The following CSMD2 variants were observed in gnomAD, a reference collection of about 807,000 sequenced individuals.
CSMD2 encodes CUB and sushi domain-containing protein 2.
CSMD2 carries 130 observed loss-of-function variants against 398.5 expected under a neutral mutation model. The ratio of observed to expected loss-of-function variants is 0.33; its 90% confidence interval spans 0.28 to 0.38. CSMD2 has a LOEUF of 0.38. Among genes scored for constraint, CSMD2 ranks in the 10% least tolerant of loss-of-function variants. The pLI, the probability that CSMD2 is intolerant of heterozygous loss-of-function variation, is 1.00. For synonymous variants in CSMD2, 1,828 were observed against 1,908.5 expected (o/e 0.96, Z 1.10); for missense variants, 3,829 against 4,764.9 (o/e 0.80, Z 5.78).
chr1:33,602,171 T>C (rs1387669060), intron 43 of CSMD2, among the ~76,000 whole-genome samples, 198 bp downstream of exon 43: 2 of 152,210 alleles, frequency 1.3e-5, no homozygotes, highest in East Asian at 3.8e-4. Context: ...CCCATTCCTC[T>C]CCCTTTAAGG....
rs148559711 is a variant in CSMD2, at chr1:33,595,161, T to C, written c.6856+5704A>G. ...TCCAGTTCAGAATCACATGTTGCAT[T>C]TCATTGTCATGTCTCTTTGGTCTCC... On this transcript the variant is annotated intron_variant, in intron 44 of 70. Transcript: ENST00000373381. 6.3e-3 allele frequency among the ~76,000 whole-genome samples: 954 copies of C among 152,372 alleles called. 6 individuals carry two copies. Among genetic ancestry groups the C allele is most frequent in the Non-Finnish European group, 0.01 (714 of 68,034 alleles).
chr1:34,164,993 G>T lies in CSMD2; in HGVS notation c.105C>A (p.Arg35=), dbSNP rs1320752151. 3.3e-6 allele frequency: 4 copies of T among 1,208,002 alleles called. No homozygotes were observed. The highest frequency in any genetic ancestry group is 4.1e-6 in the Non-Finnish European group (4 of 973,108). The allele number at this position is 1,208,002 out of a possible 1,614,324, so 74.8% of individuals were successfully genotyped here. The change falls in exon 1 of 71, where the codon CGC becomes CGA. Residue 35 remains arginine, a synonymous_variant. Coordinates refer to ENST00000373381, the MANE Select transcript of CSMD2 (RefSeq NM_001281956.2). The surrounding 1 kb of genome is among the most constrained non-coding windows in gnomAD (Gnocchi z 6.2). ...GCGTTGGCGGCGGCGGGCGGCCCCA[G>T]CGGCTCCCGGCGCCCGGCACAAGCG... The part of the protein sequence containing the change: ...ISALVPGAGS[R]WGRPPPPTPP...
rs115215451 is a variant in CSMD2, at chr1:33,715,994, T to C, written c.3217+292A>G. On this transcript the variant is annotated intron_variant, in intron 20 of 70. Transcript: ENST00000373381. ...GAATAACTAAGGTAGGAAGGGACTT[T>C]TGTGAAGTCCTCTAGTTCATCCAGC... 8.6e-3 allele frequency among the ~76,000 whole-genome samples: 1,306 copies of C among 152,222 alleles called. 16 individuals are homozygous for C. Among genetic ancestry groups the C allele is most frequent in the African/African-American group, 0.03 (1,253 of 41,494 alleles).
chr1:33,561,136 G>A (rs1443197719), intron 53 of CSMD2, among the ~76,000 whole-genome samples: 1 of 152,232 alleles, frequency 6.6e-6, no homozygotes, highest in Non-Finnish European at 1.5e-5. Context: ...GGACGGGGGT[G>A]TAAGAAGAGG....
At chr1:33,557,657 CACAT>C (rs1196876027) in intron 55 of CSMD2, 73 bp downstream of exon 55, 22 of 1,199,696 alleles carry the variant, frequency 1.8e-5, no homozygotes, top group East Asian at 5.1e-5. Context: ...CACACACACA[CACAT>C]GCACAGAGGG....
intron 5 of CSMD2, among the ~76,000 whole-genome samples, chr1:33,917,101 C>T (rs545672298): frequency 1.8e-3 from 275 of 152,272 alleles, no homozygotes; most frequent in Non-Finnish European, 2.8e-3. Context: ...AGCACAGCCC[C>T]GCCAGACCTG....
At chr1:33,782,140 G>A (rs1258504843) in intron 12 of CSMD2, among the ~76,000 whole-genome samples, 1 of 152,052 alleles carries the variant, frequency 6.6e-6, no homozygotes, top group Non-Finnish European at 1.5e-5. Flanking sequence ...CTCTGCCCTT[G>A]GATGCCTTAT....
chr1:33,973,685 C>T (rs1645853455), intron 3 of CSMD2, among the ~76,000 whole-genome samples: 1 of 152,148 alleles, frequency 6.6e-6, no homozygotes, highest in Non-Finnish European at 1.5e-5. Context: ...ATGCACCCTG[C>T]CCTTTAGCAC....
chr1:34,096,553 T>C (rs1416563661), intron 1 of CSMD2, among the ~76,000 whole-genome samples: 5 of 141,274 alleles, frequency 3.5e-5, no homozygotes, highest in African/African-American at 1.4e-4. Flanking sequence ...GATAAGCAAC[T>C]TCAGCAAAGT....
rs6680452 is a variant in CSMD2, at chr1:34,070,766, G to C, written c.404+18211C>G. On this transcript the variant is annotated intron_variant, in intron 2 of 70. Coordinates refer to ENST00000373381, the MANE Select transcript of CSMD2 (RefSeq NM_001281956.2). ...GCAAGGCTTCTTGCAGAACTAGAAAGCTTCTTTATTGTCCAGATTTCTTTA... is the reference window on the plus strand; with the variant it reads ...GCAAGGCTTCTTGCAGAACTAGAAACCTTCTTTATTGTCCAGATTTCTTTA... Among the ~76,000 whole-genome samples, 566 of 148,050 alleles carry C rather than the reference G, an allele frequency of 3.8e-3. 6 individuals are homozygous for C. The highest frequency in any genetic ancestry group is 0.024 in the Middle Eastern group (7 of 286).
At chr1:34,099,676 G>T (rs1160849543) in intron 1 of CSMD2, among the ~76,000 whole-genome samples, 3 of 152,208 alleles carry the variant, frequency 2.0e-5, no homozygotes, top group Non-Finnish European at 4.4e-5. Context: ...GGATCCAGAG[G>T]GCAGTTCCAT....
At chr1:33,792,286 T>C (rs994539994) in intron 11 of CSMD2, 137 bp downstream of exon 11, 8 of 678,208 alleles carry the variant, frequency 1.2e-5, no homozygotes, top group East Asian at 2.6e-5. Flanking sequence ...AGAAGGATTA[T>C]TGCTGAAACT....
intron 4 of CSMD2, among the ~76,000 whole-genome samples, chr1:33,921,373 A>T (rs1570511020): frequency 6.7e-6 from 1 of 149,154 alleles, no homozygotes; most frequent in African/African-American, 2.6e-5. Flanking sequence ...AAATAAATTC[A>T]CCATGAACAT....
At chr1:34,160,555 T>A (rs1257745627) in intron 1 of CSMD2, among the ~76,000 whole-genome samples, 1 of 152,156 alleles carries the variant, frequency 6.6e-6, no homozygotes, top group Non-Finnish European at 1.5e-5. Flanking sequence ...TTTAGTCTTA[T>A]CAGTCCTTGG....
intron 3 of CSMD2, among the ~76,000 whole-genome samples, chr1:33,955,375 G>A (rs1182020855): frequency 6.6e-6 from 1 of 152,112 alleles, no homozygotes; most frequent in Non-Finnish European, 1.5e-5. Flanking sequence ...GGCCTGTGCA[G>A]AGGATGCTTA....
In CSMD2 at chr1:33,989,712, C is replaced by T. The variant is rs140993802; in HGVS notation, c.517+42882G>A. Among the ~76,000 whole-genome samples, 282 of 152,222 alleles carry T rather than the reference C, an allele frequency of 1.9e-3. 1 individual carries two copies. Among genetic ancestry groups the T allele is most frequent in the African/African-American group, 6.5e-3 (268 of 41,534 alleles). ...ATGAACTAATCTCATCACTGTTATACTGAAAAAAGTCAGACACAAGAGTAT... is the reference window on the plus strand; with the variant it reads ...ATGAACTAATCTCATCACTGTTATATTGAAAAAAGTCAGACACAAGAGTAT... On this transcript the variant is annotated intron_variant, in intron 3 of 70. Transcript: ENST00000373381.
chr1:33,973,178 A>G (rs1362086147), intron 3 of CSMD2, among the ~76,000 whole-genome samples: 1 of 152,030 alleles, frequency 6.6e-6, no homozygotes, highest in Non-Finnish European at 1.5e-5. Flanking sequence ...CCCTGCCCAC[A>G]CTATCTGCCT....
intron 3 of CSMD2, among the ~76,000 whole-genome samples, chr1:33,978,275 G>A (rs982062749): frequency 7.9e-5 from 12 of 152,160 alleles, no homozygotes; most frequent in Non-Finnish European, 1.5e-4. Context: ...TTTTGTCTTT[G>A]AGAAGCAGCT....
chr1:33,814,382 A>G (rs185845872), intron 9 of CSMD2, among the ~76,000 whole-genome samples: 1 of 152,242 alleles, frequency 6.6e-6, no homozygotes, highest in East Asian at 1.9e-4. Flanking sequence ...TTGCCCAGTG[A>G]CCCTACCATT....
Sources: gnomAD v4.1 joint callset for allele counts (sites outside exome capture counted in the v4.1 genomes callset) on GRCh38, gnomAD v4.1.1 for gene constraint, Gnocchi (gnomAD v3.1) non-coding constraint, MANE v1.5 for transcripts, NCBI Gene and HGNC (gene_info 2026-07-23, HGNC 2026-07-21) for gene names.